PRDM6: variants seen among roughly 807,000 people sequenced by gnomAD.
PRDM6 encodes the protein putative histone-lysine N-methyltransferase PRDM6.
In PRDM6, 25 loss-of-function variants were observed where a neutral mutation model predicts 60.8. The observed-to-expected ratio is 0.41, with a 90% CI of 0.30 to 0.57. The LOEUF (loss-of-function observed/expected upper bound fraction) is 0.57, where lower values mean the gene tolerates loss of function less well. Ranked by LOEUF, PRDM6 falls within the 20% of genes least tolerant of loss-of-function variation. PRDM6 has a pLI of 0.27. For synonymous variants in PRDM6, 407 were observed against 357.4 expected (o/e 1.14, Z -1.57); for missense variants, 839 against 821.3 (o/e 1.02, Z -0.26).
chr5:123,178,683 A>G (rs1238108188), intron 6 of PRDM6, among the ~76,000 whole-genome samples: 2 of 152,232 alleles, frequency 1.3e-5, no homozygotes, highest in Non-Finnish European at 2.9e-5. Flanking sequence ...GCTATTAGTC[A>G]AGCTAAAAAA....
At chr5:123,145,269 G>A (rs555488053) in intron 3 of PRDM6, among the ~76,000 whole-genome samples, 1 of 152,238 alleles carries the variant, frequency 6.6e-6, no homozygotes, top group African/African-American at 2.4e-5. Context: ...CTACAGATTT[G>A]GTACCAGATA....
rs1766309865 is a variant in PRDM6, at chr5:123,187,275, G to A, written c.*74G>A. The A allele has an allele frequency of 6.8e-6, 8 of 1,169,076 alleles. No individual in the cohort carries two copies. In the Admixed American group the frequency reaches 1.0e-4, roughly 15 times the overall value. The allele number at this position is 1,169,076 out of a possible 1,614,324, so 72.4% of individuals were successfully genotyped here. A position where few individuals can be genotyped will look rare whatever the true frequency, so the allele number is the denominator to read the frequency against. Reference sequence around the variant, plus strand: ...TCACGGACACTTAAGCAAAACCAAAGATTTCCTCTGAGCAACTTTCAATCA... The same window carrying A: ...TCACGGACACTTAAGCAAAACCAAAAATTTCCTCTGAGCAACTTTCAATCA... On this transcript the variant is annotated 3_prime_UTR_variant, in exon 8 of 8. Transcript: ENST00000407847.
At chr5:123,130,855 C>T (rs1332583394) in intron 3 of PRDM6, among the ~76,000 whole-genome samples, 1 of 152,178 alleles carries the variant, frequency 6.6e-6, no homozygotes, top group Non-Finnish European at 1.5e-5. Context: ...GCGTGAGCCA[C>T]CACGTCCAGC....
At chr5:123,107,793 ATGT>A (rs1474316513) in intron 3 of PRDM6, among the ~76,000 whole-genome samples, 6 of 152,212 alleles carry the variant, frequency 3.9e-5, no homozygotes, top group African/African-American at 9.6e-5. Context: ...AAAAGGGGAA[ATGT>A]TGTATTTCAG....
At position 123,193,989 on chromosome 5, in the gene PRDM6, T is replaced by C. The variant is rs933076235; in HGVS notation, c.*6788T>C. On this transcript the variant is annotated 3_prime_UTR_variant, in exon 8 of 8. Coordinates refer to ENST00000407847, the MANE Select transcript of PRDM6 (RefSeq NM_001136239.4). ...ATCTCACTGTGGGTGATAAGGAGTG[T>C]GTAGTTTGCTGTAAGGGCCACTGAT... 2 of 152,230 alleles carry C rather than the reference T, an allele frequency of 1.3e-5. No individual in the cohort carries two copies. Among genetic ancestry groups the C allele is most frequent in the South Asian group, 4.1e-4 (2 of 4,828 alleles). The allele number at this position is 152,230 out of a possible 1,614,324, so 9.4% of individuals were successfully genotyped here.
Position 123,171,067 on chromosome 5 carries a change from G to A in PRDM6, c.1455G>A (p.Arg485=). The change falls in exon 6 of 8, where the codon CGG becomes CGA. Residue 485 remains arginine, a synonymous_variant. Transcript: ENST00000407847. ...AGTGCTTTAAGACTTTCACCCAGCG[G>A]ATCCTCTTACAGATGCACGTGTGCA... is the stretch of plus-strand genomic sequence containing the variant. ...CGQCFKTFTQ[R]ILLQMHVCTQ... The A allele has an allele frequency of 6.4e-7, 1 of 1,551,528 alleles. No homozygotes were observed. The highest frequency in any genetic ancestry group is 8.7e-7 in the Non-Finnish European group (1 of 1,146,678).
chr5:123,159,440 G>A, intron 4 of PRDM6, 74 bp from the exon 5 acceptor site: 1 of 1,500,730 alleles, frequency 6.7e-7, no homozygotes, highest in Non-Finnish European at 8.9e-7. Context: ...AACTTTTTCA[G>A]GGCAATAAAA....
chr5:123,172,210 A>G (rs1765906672), intron 6 of PRDM6, among the ~76,000 whole-genome samples: 1 of 152,036 alleles, frequency 6.6e-6, no homozygotes, highest in African/African-American at 2.4e-5. Flanking sequence ...GGCAGGGAGG[A>G]TGGAGGTGGC....
intron 3 of PRDM6, among the ~76,000 whole-genome samples, chr5:123,122,696 A>G (rs1764607657): frequency 6.6e-6 from 1 of 152,226 alleles, no homozygotes; most frequent in Non-Finnish European, 1.5e-5. Flanking sequence ...TAAGAAGAAA[A>G]TAAAAATTAC....
chr5:123,119,310 A>C lies in PRDM6; in HGVS notation c.900+19349A>C, dbSNP rs560978535. 4.6e-5 allele frequency among the ~76,000 whole-genome samples: 7 copies of C among 152,340 alleles called. No individual in the cohort carries two copies. In the East Asian group the frequency reaches 1.3e-3, roughly 29 times the overall value. On this transcript the variant is annotated intron_variant, in intron 3 of 7. Coordinates refer to ENST00000407847, the MANE Select transcript of PRDM6 (RefSeq NM_001136239.4). ...GATTTAAAAAAATGAAACAAGAACA[A>C]AATGAGTGATAAGGGTTAGGACTTG...
chr5:123,192,594 C>A lies in PRDM6; in HGVS notation c.*5393C>A, dbSNP rs1406741237. ...TGTTTTTGTTTTTCTAAGCAGGAATCTAAAATTCCACATTGAAAGAAAAAA... is the reference window on the plus strand; with the variant it reads ...TGTTTTTGTTTTTCTAAGCAGGAATATAAAATTCCACATTGAAAGAAAAAA... On this transcript the variant is annotated 3_prime_UTR_variant, in exon 8 of 8. Transcript: ENST00000407847. 6.6e-6 allele frequency: 1 copy of A among 151,862 alleles called. No individual in the cohort carries two copies. Among genetic ancestry groups the A allele is most frequent in the Non-Finnish European group, 1.5e-5 (1 of 67,978 alleles). 9.4% of individuals were successfully genotyped at this position (151,862 alleles called of 1,614,324 possible).
chr5:123,111,922 C>A (rs1204540437), intron 3 of PRDM6, among the ~76,000 whole-genome samples: 1 of 152,152 alleles, frequency 6.6e-6, no homozygotes, highest in Non-Finnish European at 1.5e-5. Context: ...GGCTAATCTC[C>A]TGTGGACATT....
chr5:123,156,065 A>G (rs1765491378), intron 4 of PRDM6, 54 bp downstream of exon 4: 1 of 1,492,576 alleles, frequency 6.7e-7, no homozygotes, highest in Non-Finnish European at 9.0e-7. Flanking sequence ...TGGCTTGCAT[A>G]TACAAATTCA....
At chr5:123,152,947 C>T (rs1046890715) in intron 3 of PRDM6, among the ~76,000 whole-genome samples, 3 of 152,276 alleles carry the variant, frequency 2.0e-5, no homozygotes, top group African/African-American at 4.8e-5. Context: ...AGATTCAATA[C>T]TGTTAAAATC....
intron 3 of PRDM6, among the ~76,000 whole-genome samples, chr5:123,106,508 A>G (rs77885457): frequency 0.011 from 1,670 of 152,342 alleles, 27 homozygotes; most frequent in African/African-American, 0.038. Flanking sequence ...TGGGGGACAC[A>G]TCCAGTGCAT....
intron 3 of PRDM6, among the ~76,000 whole-genome samples, chr5:123,137,455 G>A (rs1464660113): frequency 1.3e-5 from 2 of 152,222 alleles, no homozygotes; most frequent in East Asian, 3.8e-4. Flanking sequence ...AGCCAGTGCA[G>A]TGTCTTGCTT....
chr5:123,101,495 T>G (rs1276798926), intron 3 of PRDM6, among the ~76,000 whole-genome samples: 1 of 152,260 alleles, frequency 6.6e-6, no homozygotes, highest in South Asian at 2.1e-4. Flanking sequence ...AAAACACTTT[T>G]AGGTACTTCT....
At chr5:123,098,185 G>T (rs182619154) in intron 2 of PRDM6, among the ~76,000 whole-genome samples, 42 of 152,360 alleles carry the variant, frequency 2.8e-4, no homozygotes, top group Admixed American at 2.0e-3. Context: ...GCCTGGCTGC[G>T]GCCAAGGCTG....
intron 4 of PRDM6, among the ~76,000 whole-genome samples, chr5:123,156,607 C>T (rs1459246006): frequency 2.0e-5 from 3 of 152,118 alleles, no homozygotes; most frequent in Non-Finnish European, 4.4e-5. Flanking sequence ...AGGCAGTTTC[C>T]GGGCATAGAG....
Sources: gnomAD v4.1 joint callset for allele counts (sites outside exome capture counted in the v4.1 genomes callset) on GRCh38, gnomAD v4.1.1 for gene constraint, MANE v1.5 for transcripts, NCBI Gene and HGNC (gene_info 2026-07-23, HGNC 2026-07-21) for gene names.